Variants in DEPTOR observed in about 807,000 individuals in gnomAD.
DEPTOR encodes the protein DEP domain-containing mTOR-interacting protein.
DEPTOR carries 41 observed loss-of-function variants against 41.6 expected under a neutral mutation model. That is an observed-to-expected ratio of 0.98 (90% CI 0.77 to 1.28). The LOEUF (loss-of-function observed/expected upper bound fraction) is 1.28. Among genes scored for constraint, DEPTOR ranks in the 50% most tolerant of loss-of-function variants. The pLI is 0.00. For synonymous variants in DEPTOR, 195 were observed against 192.3 expected (o/e 1.01, Z -0.12); for missense variants, 514 against 527.9 (o/e 0.97, Z 0.26).
chr8:119,977,680 T>A (rs1431405235), intron 4 of DEPTOR, among the ~76,000 whole-genome samples: 1 of 152,146 alleles, frequency 6.6e-6, no homozygotes, highest in Non-Finnish European at 1.5e-5. Flanking sequence ...CAATAAAGTA[T>A]TGGTTTATGT....
At chr8:119,908,161 T>G (rs1311512193) in intron 1 of DEPTOR, among the ~76,000 whole-genome samples, 1 of 152,114 alleles carries the variant, frequency 6.6e-6, no homozygotes, top group Non-Finnish European at 1.5e-5. Context: ...AGCTTCTGAG[T>G]TGCTGACATG....
At chr8:119,949,589 T>G (rs1353851044) in intron 3 of DEPTOR, among the ~76,000 whole-genome samples, 2 of 152,250 alleles carry the variant, frequency 1.3e-5, no homozygotes, top group African/African-American at 4.8e-5. Context: ...ATTATAGTTT[T>G]TATTTGCAGT....
At chr8:119,968,367 T>G (rs1030068878) in intron 4 of DEPTOR, among the ~76,000 whole-genome samples, 2 of 152,068 alleles carry the variant, frequency 1.3e-5, no homozygotes, top group African/African-American at 4.8e-5. Context: ...GCTCTGATCA[T>G]GCAGGGGCAG....
chr8:119,984,863 G>A (rs1828809911), intron 4 of DEPTOR, among the ~76,000 whole-genome samples: 1 of 152,054 alleles, frequency 6.6e-6, no homozygotes, highest in South Asian at 2.1e-4. Flanking sequence ...CGCAATGATT[G>A]AACTAATTTA....
At chr8:119,947,046 T>C (rs920474155) in intron 3 of DEPTOR, among the ~76,000 whole-genome samples, 4 of 152,194 alleles carry the variant, frequency 2.6e-5, no homozygotes, top group Non-Finnish European at 5.9e-5. Flanking sequence ...TGCTAGGCAA[T>C]ATGCTAGATG....
At position 120,002,959 on chromosome 8, in the gene DEPTOR, G is replaced by A; in HGVS notation, c.791-18G>A. ...GACCACCCCCTTGGTGACTGTGTGT[G>A]TTCTCTGGCCTACACAGTGAGCCCC... On this transcript the variant is annotated intron_variant, in intron 5 of 8. Transcript: ENST00000286234. The A allele has an allele frequency of 6.4e-7, 1 of 1,552,846 alleles. No individual in the cohort carries two copies. Among genetic ancestry groups the A allele is most frequent in the Non-Finnish European group, 8.7e-7 (1 of 1,147,936 alleles).
At chr8:119,967,052 G>T (rs1041904918) in intron 4 of DEPTOR, among the ~76,000 whole-genome samples, 11 of 151,940 alleles carry the variant, frequency 7.2e-5, no homozygotes, top group Non-Finnish European at 1.6e-4. Flanking sequence ...ACCCTTTCTG[G>T]AATGGGAGTC....
chr8:120,027,991 C>T lies in DEPTOR; in HGVS notation c.1101+18858C>T, dbSNP rs757639471. Reference sequence around the variant, plus strand: ...ATTTTAAAGTGGAGCTTAGAGACAGCCTACTGGCTCAGACCTCTTAAAGAT... The same window carrying T: ...ATTTTAAAGTGGAGCTTAGAGACAGTCTACTGGCTCAGACCTCTTAAAGAT... On this transcript the variant is annotated intron_variant, in intron 8 of 8. Coordinates refer to ENST00000286234, the MANE Select transcript of DEPTOR (RefSeq NM_022783.4). Among the ~76,000 whole-genome samples the T allele has an allele frequency of 5.3e-4, 81 of 152,114 alleles. 1 individual carries two copies. The highest frequency in any genetic ancestry group is 2.2e-4 in the Non-Finnish European group (15 of 68,024).
At chr8:119,930,234 CTT>C (rs1397957263) in intron 3 of DEPTOR, among the ~76,000 whole-genome samples, 1 of 152,028 alleles carries the variant, frequency 6.6e-6, no homozygotes, top group African/African-American at 2.4e-5. Context: ...CCTTTCCTCT[CTT>C]ATTTTTATTT....
At chr8:119,943,526 A>C (rs1015664280) in intron 3 of DEPTOR, among the ~76,000 whole-genome samples, 4 of 151,782 alleles carry the variant, frequency 2.6e-5, no homozygotes, top group Non-Finnish European at 5.9e-5. Context: ...TGATCCAGTC[A>C]CCTCCCACCC....
intron 6 of DEPTOR, among the ~76,000 whole-genome samples, chr8:120,003,314 G>T (rs527289311): frequency 1.4e-4 from 21 of 152,294 alleles, no homozygotes; most frequent in African/African-American, 4.6e-4. Flanking sequence ...CTCAATGAAG[G>T]CTATCATTGA....
intron 2 of DEPTOR, among the ~76,000 whole-genome samples, chr8:119,929,591 T>TATGGTG (rs1246388540): frequency 6.6e-6 from 1 of 152,030 alleles, no homozygotes; most frequent in African/African-American, 2.4e-5. Context: ...TGATGATGAC[T>TATGGTG]ATGGTGATGG....
intron 6 of DEPTOR, among the ~76,000 whole-genome samples, chr8:120,005,753 G>C (rs1417480146): frequency 6.6e-6 from 1 of 152,144 alleles, no homozygotes; most frequent in East Asian, 1.9e-4. Context: ...CAGGATGGAT[G>C]GGGGGGTTCA....
chr8:120,005,046 G>C (rs1812412593), intron 6 of DEPTOR, among the ~76,000 whole-genome samples: 2 of 151,988 alleles, frequency 1.3e-5, no homozygotes, highest in South Asian at 4.1e-4. Context: ...TTTTCCCTAG[G>C]CCTCAAAGTT....
At chr8:119,931,344 A>C (rs890670074) in intron 3 of DEPTOR, among the ~76,000 whole-genome samples, 2 of 152,200 alleles carry the variant, frequency 1.3e-5, no homozygotes, top group Non-Finnish European at 2.9e-5. Flanking sequence ...CAGAGTTTGA[A>C]GTGTAGCCCT....
At chr8:119,988,812 T>C (rs1319747303) in intron 4 of DEPTOR, among the ~76,000 whole-genome samples, 3 of 152,104 alleles carry the variant, frequency 2.0e-5, no homozygotes, top group African/African-American at 7.2e-5. Context: ...GTTGTTTCAT[T>C]GTTCCTCCAA....
At chr8:119,896,778 G>A (rs1307118649) in intron 1 of DEPTOR, among the ~76,000 whole-genome samples, 2 of 152,118 alleles carry the variant, frequency 1.3e-5, no homozygotes, top group African/African-American at 2.4e-5. Context: ...GATTACAGGC[G>A]TGAACCACCG....
At chr8:120,000,072 T>C (rs1305599518) in intron 4 of DEPTOR, among the ~76,000 whole-genome samples, 1 of 152,170 alleles carries the variant, frequency 6.6e-6, no homozygotes, top group African/African-American at 2.4e-5. Flanking sequence ...GGGGTTACCA[T>C]TGGGAAAATC....
chr8:120,017,742 A>G (rs1448101734), intron 8 of DEPTOR, among the ~76,000 whole-genome samples: 2 of 152,166 alleles, frequency 1.3e-5, no homozygotes, highest in Non-Finnish European at 2.9e-5. Flanking sequence ...CAAATCAGGA[A>G]CAAAAGATAT....
Sources: gnomAD v4.1 joint callset for allele counts (sites outside exome capture counted in the v4.1 genomes callset) on GRCh38, gnomAD v4.1.1 for gene constraint, MANE v1.5 for transcripts, NCBI Gene and HGNC (gene_info 2026-07-23, HGNC 2026-07-21) for gene names.